NAV2: variants seen among roughly 807,000 people sequenced by gnomAD.
The protein encoded by NAV2 is neuron navigator 2.
In NAV2, 54 loss-of-function variants were observed where a neutral mutation model predicts 223.2. That is an observed-to-expected ratio of 0.24 (90% CI 0.19 to 0.30). The LOEUF (loss-of-function observed/expected upper bound fraction) is 0.30. NAV2 is among the 10% of genes least tolerant of loss of function. The pLI is 1.00. For synonymous variants in NAV2, 1,279 were observed against 1,239.3 expected (o/e 1.03, Z -0.67); for missense variants, 2,806 against 3,147.5 (o/e 0.89, Z 2.60).
At chr11:19,667,232 C>T (rs954220299) in intron 1 of NAV2, among the ~76,000 whole-genome samples, 9 of 152,234 alleles carry the variant, frequency 5.9e-5, no homozygotes, top group African/African-American at 1.4e-4. Context: ...GATTTGTAGA[C>T]GTTGAACAAT....
rs201696301 is a variant in NAV2, at chr11:19,628,367, C to G, written c.76-204117C>G. 3.9e-5 allele frequency among the ~76,000 whole-genome samples: 6 copies of G among 152,224 alleles called. No homozygotes were observed. In the East Asian group the frequency reaches 1.2e-3, roughly 29 times the overall value. On this transcript the variant is annotated intron_variant, in intron 1 of 37. Transcript: ENST00000360655. ...CCCAGAGCCAAGCGTAGTGCAGGGC[C>G]CTGTGAGGAGGAAGACACCAGAGCA...
intron 1 of NAV2, among the ~76,000 whole-genome samples, chr11:19,491,003 G>A (rs1426720169): frequency 6.6e-6 from 1 of 152,156 alleles, no homozygotes. Context: ...TTGTCAATGA[G>A]CAATAATATC....
At chr11:19,582,583 T>C (rs1188814259) in intron 1 of NAV2, among the ~76,000 whole-genome samples, 6 of 152,372 alleles carry the variant, frequency 3.9e-5, no homozygotes, top group Admixed American at 6.5e-5. Context: ...TTTCTGCATA[T>C]GGCTAGCCAG....
At chr11:19,616,470 T>TG (rs1197082465) in intron 1 of NAV2, among the ~76,000 whole-genome samples, 1 of 152,076 alleles carries the variant, frequency 6.6e-6, no homozygotes, top group Non-Finnish European at 1.5e-5. Flanking sequence ...CCTTCACTTC[T>TG]GTTGTTGAGA....
intron 1 of NAV2, among the ~76,000 whole-genome samples, chr11:19,394,012 T>C (rs1304472646): frequency 6.6e-6 from 1 of 151,280 alleles, no homozygotes; most frequent in East Asian, 2.0e-4. Flanking sequence ...CCTGGAACGT[T>C]TTCAGAGGCA....
At chr11:19,935,631 C>A (rs1346721986) in intron 7 of NAV2, among the ~76,000 whole-genome samples, 1 of 152,070 alleles carries the variant, frequency 6.6e-6, no homozygotes, top group Non-Finnish European at 1.5e-5. Context: ...GGAAAGCCAG[C>A]CAGCACCAGG....
chr11:19,800,145 C>T (rs1222798800), intron 1 of NAV2, among the ~76,000 whole-genome samples: 1 of 152,188 alleles, frequency 6.6e-6, no homozygotes, highest in Non-Finnish European at 1.5e-5. Flanking sequence ...CTATCCATCG[C>T]CCCCACTACA....
At chr11:19,882,090 G>C (rs2063249848) in intron 5 of NAV2, among the ~76,000 whole-genome samples, 1 of 152,188 alleles carries the variant, frequency 6.6e-6, no homozygotes, top group Admixed American at 6.5e-5. Context: ...GAAGCCATGG[G>C]AAAGTCTTAA....
At chr11:19,920,444 C>T (rs985180048) in intron 6 of NAV2, among the ~76,000 whole-genome samples, 10 of 152,026 alleles carry the variant, frequency 6.6e-5, no homozygotes, top group Non-Finnish European at 8.8e-5. Flanking sequence ...TGTGCCACCA[C>T]GCCCAGCTAA....
At chr11:19,459,589 A>G (rs1240125759) in intron 1 of NAV2, among the ~76,000 whole-genome samples, 1 of 152,228 alleles carries the variant, frequency 6.6e-6, no homozygotes, top group African/African-American at 2.4e-5. Flanking sequence ...GGCAGCAAGT[A>G]GGACAGATGT....
intron 11 of NAV2, among the ~76,000 whole-genome samples, chr11:20,016,056 C>T (rs779699937): frequency 4.6e-5 from 7 of 152,152 alleles, no homozygotes; most frequent in Non-Finnish European, 8.8e-5. Context: ...GGGATAATAA[C>T]GCGTGTTAGA....
chr11:19,608,021 C>G (rs2046527710), intron 1 of NAV2, among the ~76,000 whole-genome samples: 1 of 152,178 alleles, frequency 6.6e-6, no homozygotes, highest in East Asian at 1.9e-4. Context: ...AAACCAGAAC[C>G]TCCCCCAATT....
intron 14 of NAV2, among the ~76,000 whole-genome samples, chr11:20,048,113 A>C (rs1279746854): frequency 6.6e-6 from 1 of 152,168 alleles, no homozygotes; most frequent in Non-Finnish European, 1.5e-5. Flanking sequence ...TGAACCAAGC[A>C]AGATTTCCAT....
intron 1 of NAV2, among the ~76,000 whole-genome samples, chr11:19,493,655 A>C (rs927829158): frequency 6.6e-6 from 1 of 152,112 alleles, no homozygotes; most frequent in Non-Finnish European, 1.5e-5. Flanking sequence ...CTGCCACCGG[A>C]TGGAGCCTTA....
At chr11:20,109,983 T>C (rs1021503576) in intron 36 of NAV2, among the ~76,000 whole-genome samples, 14 of 152,196 alleles carry the variant, frequency 9.2e-5, no homozygotes, top group African/African-American at 3.1e-4. Flanking sequence ...AAGGAAGGCT[T>C]TCTGGGCATG....
chr11:20,048,895 G>A lies in NAV2; in HGVS notation c.4070G>A (p.Ser1357Asn), dbSNP rs148735649. 530 of 1,614,176 alleles carry A rather than the reference G, an allele frequency of 3.3e-4. 2 individuals carry two copies. In the African/African-American group the frequency reaches 6.1e-3, roughly 18 times the overall value. ...LSSGSSSPLY[S>N]KNVDLNQSPL... is the part of the protein sequence containing the mutation. Reference sequence around the variant, plus strand: ...AGTGGGAGCAGCAGTCCTCTCTACAGCAAGAATGTGGACCTCAACCAGTCT... The same window carrying A: ...AGTGGGAGCAGCAGTCCTCTCTACAACAAGAATGTGGACCTCAACCAGTCT... Residue 1357 changes from serine to asparagine, a missense_variant, in exon 15 of 38, where the codon AGC (serine) becomes AAC (asparagine). By Grantham distance (46) the Ser-to-Asn change is conservative (BLOSUM62 1). This residue lies in a region of NAV2 where 742 missense variants were observed against 777.9 expected (regional missense o/e 0.95). Coordinates refer to ENST00000349880, the MANE Select transcript of NAV2 (RefSeq NM_145117.5).
At chr11:19,959,022 A>G (rs2048134646) in intron 10 of NAV2, among the ~76,000 whole-genome samples, 1 of 152,132 alleles carries the variant, frequency 6.6e-6, no homozygotes, top group Admixed American at 6.5e-5. Flanking sequence ...TACACAGGGG[A>G]CACAAAGGAG....
intron 7 of NAV2, among the ~76,000 whole-genome samples, chr11:19,935,220 C>T (rs2045740439): frequency 6.6e-6 from 1 of 152,192 alleles, no homozygotes; most frequent in African/African-American, 2.4e-5. Flanking sequence ...CATTTGGCCA[C>T]ATTGCACAAT....
At chr11:20,049,319 G>C in intron 15 of NAV2, 124 bp downstream of exon 15, 1 of 759,534 alleles carries the variant, frequency 1.3e-6, no homozygotes, top group South Asian at 1.9e-5. Flanking sequence ...TCTAATTACT[G>C]CTGTCTTTCA....
Sources: gnomAD v4.1 joint callset for allele counts (sites outside exome capture counted in the v4.1 genomes callset) on GRCh38, gnomAD v4.1.1 for gene constraint, gnomAD v4.1.1 regional missense constraint, MANE v1.5 for transcripts, NCBI Gene and HGNC (gene_info 2026-07-23, HGNC 2026-07-21) for gene names.